Variants in POU6F2 observed in about 807,000 individuals in gnomAD.
POU6F2 encodes the protein POU domain, class 6, transcription factor 2.
Under a neutral mutation model 71.3 loss-of-function variants are expected in POU6F2, and 31 were observed. The ratio of observed to expected loss-of-function variants is 0.43; its 90% confidence interval spans 0.33 to 0.59. The LOEUF (loss-of-function observed/expected upper bound fraction) is 0.59, where lower values mean the gene tolerates loss of function less well. POU6F2 is among the 20% of genes least tolerant of loss of function. The probability of loss-of-function intolerance (pLI) is 0.04; values close to 1 mark genes in which losing one functional copy is unlikely to be tolerated. For synonymous variants in POU6F2, 347 were observed against 355.7 expected (o/e 0.98, Z 0.27); for missense variants, 783 against 856.8 (o/e 0.91, Z 1.07).
At chr7:39,232,476 A>C (rs1423901079) in intron 4 of POU6F2, among the ~76,000 whole-genome samples, 1 of 152,204 alleles carries the variant, frequency 6.6e-6, no homozygotes, top group African/African-American at 2.4e-5. Flanking sequence ...CTCTAAAAAG[A>C]CTATCACTCA....
chr7:39,189,934 C>T (rs1210943980), intron 2 of POU6F2, among the ~76,000 whole-genome samples: 1 of 152,044 alleles, frequency 6.6e-6, no homozygotes, highest in East Asian at 1.9e-4. Context: ...CACTCCCTCA[C>T]CCAGGCTGGA....
chr7:39,043,698 A>G (rs1292869016), intron 1 of POU6F2, among the ~76,000 whole-genome samples: 1 of 151,996 alleles, frequency 6.6e-6, no homozygotes, highest in Non-Finnish European at 1.5e-5. Context: ...ACGGTTGTTC[A>G]GTAATCAAGG....
intron 1 of POU6F2, among the ~76,000 whole-genome samples, chr7:39,015,082 ACT>A: frequency 6.6e-6 from 1 of 151,448 alleles, no homozygotes; most frequent in Non-Finnish European, 1.5e-5. Context: ...TATGTCAGTA[ACT>A]CTGTTAGAAT....
chr7:39,350,887 T>C (rs1786128306), intron 5 of POU6F2, among the ~76,000 whole-genome samples: 1 of 152,234 alleles, frequency 6.6e-6, no homozygotes, highest in African/African-American at 2.4e-5. Flanking sequence ...CCTACAGCCA[T>C]ATTTTGTTCA....
At chr7:39,026,494 G>A (rs859547) in intron 1 of POU6F2, among the ~76,000 whole-genome samples, 16,036 of 151,966 alleles carry the variant, frequency 0.11, 896 homozygotes, top group Middle Eastern at 0.12. Flanking sequence ...GTAAACTATG[G>A]CAAGGACAAA....
intron 5 of POU6F2, among the ~76,000 whole-genome samples, chr7:39,343,279 A>G (rs974577617): frequency 2.6e-5 from 4 of 152,094 alleles, no homozygotes; most frequent in Admixed American, 6.6e-5. Flanking sequence ...AGCAGTCCAT[A>G]CTCCTTATTT....
chr7:39,379,620 A>C (rs1786784238), intron 5 of POU6F2, among the ~76,000 whole-genome samples: 3 of 152,340 alleles, frequency 2.0e-5, no homozygotes, highest in South Asian at 4.1e-4. Context: ...GTGATCCTGC[A>C]GTAGAGCCAG....
intron 6 of POU6F2, among the ~76,000 whole-genome samples, chr7:39,411,150 A>G (rs569629068): frequency 6.6e-6 from 1 of 152,352 alleles, no homozygotes; most frequent in South Asian, 2.1e-4. Flanking sequence ...AAATCTTAGT[A>G]GTAGGACATT....
intron 1 of POU6F2, among the ~76,000 whole-genome samples, chr7:39,058,969 C>T (rs2128715565): frequency 6.6e-6 from 1 of 152,162 alleles, no homozygotes; most frequent in East Asian, 1.9e-4. Context: ...TGTTTAATTT[C>T]TCAACAAGGT....
chr7:39,259,540 C>T (rs971541962), intron 4 of POU6F2, among the ~76,000 whole-genome samples: 1 of 152,144 alleles, frequency 6.6e-6, no homozygotes, highest in Non-Finnish European at 1.5e-5. Flanking sequence ...CTCCAGGAGC[C>T]ACATTCCTCC....
intron 4 of POU6F2, among the ~76,000 whole-genome samples, chr7:39,314,826 G>T (rs1215378801): frequency 2.6e-5 from 4 of 151,972 alleles, no homozygotes; most frequent in African/African-American, 9.7e-5. Flanking sequence ...CTTTAGAAAT[G>T]TACCTGCTTA....
chr7:39,017,525 G>A (rs1050966208), intron 1 of POU6F2, among the ~76,000 whole-genome samples: 12 of 152,080 alleles, frequency 7.9e-5, no homozygotes, highest in Admixed American at 3.3e-4. Context: ...CTGTATCCCT[G>A]GCTGGAAAGC....
chr7:39,114,849 A>G (rs1273481126), intron 2 of POU6F2, among the ~76,000 whole-genome samples: 1 of 152,210 alleles, frequency 6.6e-6, no homozygotes, highest in African/African-American at 2.4e-5. Flanking sequence ...AAGATGCATA[A>G]TATTAGTTAC....
chr7:39,393,150 A>G (rs1159167590), intron 5 of POU6F2, among the ~76,000 whole-genome samples: 7 of 152,194 alleles, frequency 4.6e-5, no homozygotes, highest in Non-Finnish European at 1.0e-4. Flanking sequence ...TGTTAGCTTA[A>G]TGTGTTTAGA....
rs1032098914 is a variant in POU6F2, at chr7:39,172,602, G to A, written c.278-31633G>A. Among the ~76,000 whole-genome samples, 4 of 138,236 alleles carry A rather than the reference G, an allele frequency of 2.9e-5. No individual in the cohort carries two copies. In the East Asian group the frequency reaches 6.4e-4, roughly 22 times the overall value. 90.7% of individuals were successfully genotyped at this position (138,236 alleles called of 152,430 possible). On this transcript the variant is annotated intron_variant, in intron 2 of 9. Transcript: ENST00000518318. ...ACAGAAATTATCAGAATTATCAGAG[G>A]CCTGACTCTTCAGGTCCCCCTCCTT... is the stretch of plus-strand genomic sequence containing the variant.
intron 2 of POU6F2, among the ~76,000 whole-genome samples, chr7:39,099,867 C>G (rs1308798640): frequency 6.6e-6 from 1 of 152,192 alleles, no homozygotes; most frequent in South Asian, 2.1e-4. Context: ...CTCTTGGGAG[C>G]GTGGATCAGA....
At chr7:39,121,112 AG>A (rs1184779566) in intron 2 of POU6F2, among the ~76,000 whole-genome samples, 1 of 152,218 alleles carries the variant, frequency 6.6e-6, no homozygotes, top group Non-Finnish European at 1.5e-5. Context: ...ATTGAGAGAG[AG>A]AGAGATGTTG....
At chr7:39,358,842 A>G (rs1177771704) in intron 5 of POU6F2, among the ~76,000 whole-genome samples, 1 of 151,216 alleles carries the variant, frequency 6.6e-6, no homozygotes, top group African/African-American at 2.4e-5. Context: ...TGAGAATAGG[A>G]CAAAAGAAAG....
chr7:39,137,339 G>A (rs777477444), intron 2 of POU6F2, among the ~76,000 whole-genome samples: 4 of 152,010 alleles, frequency 2.6e-5, no homozygotes, highest in Middle Eastern at 3.2e-3. Flanking sequence ...TAAATGGTAA[G>A]CAACAAGGGA....
Sources: allele counts gnomAD v4.1 joint callset (sites outside exome capture counted in the v4.1 genomes callset), GRCh38; gene constraint gnomAD v4.1.1; transcripts MANE v1.5; gene names NCBI Gene and HGNC (gene_info 2026-07-23, HGNC 2026-07-21).